The following KIF6 variants were observed in gnomAD, a reference collection of about 807,000 sequenced individuals.
KIF6 encodes the protein kinesin family member 6, also known as kinesin-like protein KIF6.
Under a neutral mutation model 112.7 loss-of-function variants are expected in KIF6, and 106 were observed. That is an observed-to-expected ratio of 0.94 (90% CI 0.80 to 1.11). KIF6 has a LOEUF of 1.11. KIF6 is among the 50% of genes least tolerant of loss of function. The pLI, the probability that KIF6 is intolerant of heterozygous loss-of-function variation, is 0.00. For synonymous variants in KIF6, 339 were observed against 339.9 expected (o/e 1.00, Z 0.03); for missense variants, 929 against 964.0 (o/e 0.96, Z 0.48).
chr6:39,667,988 GGTT>G lies in KIF6; in HGVS notation c.252-28234_252-28232del, dbSNP rs1171156314. Among the ~76,000 whole-genome samples, 3 of 152,110 alleles carry G rather than the reference GGTT, an allele frequency of 2.0e-5. No individual in the cohort carries two copies. In the East Asian group the frequency reaches 5.8e-4, roughly 29 times the overall value. ...CTCGCTTTGAGTTCATGAGAGATCT[GGTT>G]GTTTAAAAGTGGGTGGTACCTTGCC... On this transcript the variant is annotated intron_variant, in intron 3 of 22. Transcript: ENST00000287152.
chr6:39,660,019 T>A (rs1431998691), intron 3 of KIF6, among the ~76,000 whole-genome samples: 1 of 152,148 alleles, frequency 6.6e-6, no homozygotes, highest in Non-Finnish European at 1.5e-5. Context: ...TTCATTAAAA[T>A]CTCCAATCTG....
intron 16 of KIF6, among the ~76,000 whole-genome samples, chr6:39,381,635 G>A (rs1766958083): frequency 6.6e-6 from 1 of 152,186 alleles, no homozygotes; most frequent in South Asian, 2.1e-4. Context: ...ATTCCCATCT[G>A]AAATGCGGCC....
At chr6:39,696,899 A>G (rs772699273) in intron 3 of KIF6, among the ~76,000 whole-genome samples, 3 of 152,016 alleles carry the variant, frequency 2.0e-5, no homozygotes, top group Non-Finnish European at 4.4e-5. Flanking sequence ...ATGTATAGGT[A>G]TCTGTAAACC....
At chr6:39,668,978 A>C (rs1279198225) in intron 3 of KIF6, among the ~76,000 whole-genome samples, 1 of 152,130 alleles carries the variant, frequency 6.6e-6, no homozygotes, top group East Asian at 1.9e-4. Flanking sequence ...TAAAATCCTT[A>C]TTTTAGCTAG....
chr6:39,720,777 G>A lies in KIF6; in HGVS notation c.101C>T (p.Pro34Leu), dbSNP rs1790167655. ...ACGTGGTAAGATGATTTCCAAGCTA[G>A]GTATTAATTTTTCATCTTCATCTAT... ...YSIDEDEKLI[P>L]SLEIILPRDL... The change falls in exon 2 of 23, where the codon CCT becomes CTT. Residue 34 changes from proline to leucine, a missense_variant. By Grantham distance (98) the Pro-to-Leu change is moderately conservative. Coordinates refer to ENST00000287152, the MANE Select transcript of KIF6 (RefSeq NM_145027.6). The A allele has an allele frequency of 1.9e-6, 3 of 1,603,900 alleles. No homozygotes were observed. The highest frequency in any genetic ancestry group is 2.7e-5 in the African/African-American group (2 of 74,776).
chr6:39,602,957 C>T (rs1265297862), intron 6 of KIF6, among the ~76,000 whole-genome samples: 1 of 152,148 alleles, frequency 6.6e-6, no homozygotes, highest in Non-Finnish European at 1.5e-5. Context: ...AACATTTGCG[C>T]ATATAGACAG....
chr6:39,617,060 C>T (rs534396079), intron 5 of KIF6, among the ~76,000 whole-genome samples: 4 of 151,862 alleles, frequency 2.6e-5, no homozygotes, highest in East Asian at 1.9e-4. Context: ...AGATGGAAAC[C>T]CCCAAACTAT....
chr6:39,545,265 G>C (rs148294874), intron 11 of KIF6, among the ~76,000 whole-genome samples: 1 of 152,264 alleles, frequency 6.6e-6, no homozygotes, highest in African/African-American at 2.4e-5. Flanking sequence ...ATATCAAACT[G>C]CTGAAAAAAT....
Position 39,703,085 on chromosome 6 carries a change from C to CG in KIF6, c.251+11606_251+11607insC, listed in dbSNP as rs1395715706. Among the ~76,000 whole-genome samples, 9 of 51,494 alleles carry CG rather than the reference C, an allele frequency of 1.7e-4. 1 individual carries two copies. Among genetic ancestry groups the CG allele is most frequent in the Non-Finnish European group, 4.1e-4 (7 of 17,068 alleles). The allele number at this position is 51,494 out of a possible 152,430, so 33.8% of individuals were successfully genotyped here. The stretch of plus-strand genomic sequence containing the variant: ...AGACAAAATCCACCAACCCCCCACC[C>CG]CCACTCCCGGCCACCAAGACAAAAC... On this transcript the variant is annotated intron_variant, in intron 3 of 22. Transcript: ENST00000287152.
At position 39,584,459 on chromosome 6, in the gene KIF6, A is replaced by AAAAAAAGAC. The variant is rs1561836472; in HGVS notation, c.1077+438_1077+439insGTCTTTTTT. ...AAAAAAAAAAAAAAAAAAAAAAAAA[A>AAAAAAAGAC]AGACTATTATTGTCTCTAGATAGTT... On this transcript the variant is annotated intron_variant, in intron 9 of 22. Coordinates refer to ENST00000287152, the MANE Select transcript of KIF6 (RefSeq NM_145027.6). 3.8e-4 allele frequency among the ~76,000 whole-genome samples: 49 copies of AAAAAAAGAC among 128,576 alleles called. 1 individual carries two copies. The highest frequency in any genetic ancestry group is 8.7e-4 in the South Asian group (3 of 3,450). 84.4% of individuals were successfully genotyped at this position (128,576 alleles called of 152,430 possible).
intron 8 of KIF6, among the ~76,000 whole-genome samples, chr6:39,585,947 G>A (rs576201125): frequency 1.3e-5 from 2 of 152,326 alleles, no homozygotes; most frequent in South Asian, 4.1e-4. Flanking sequence ...AAGAGAAGCG[G>A]ATGGGTCAGC....
intron 5 of KIF6, among the ~76,000 whole-genome samples, chr6:39,631,375 G>A (rs769698133): frequency 3.9e-5 from 6 of 152,052 alleles, no homozygotes; most frequent in Non-Finnish European, 8.8e-5. Context: ...ATCTTAGGAG[G>A]AAAACATTCA....
chr6:39,538,137 C>T (rs1778554342), intron 13 of KIF6, among the ~76,000 whole-genome samples: 1 of 151,986 alleles, frequency 6.6e-6, no homozygotes, highest in Non-Finnish European at 1.5e-5. Context: ...TAGGCATTAC[C>T]ATTCAGGACA....
At chr6:39,636,033 A>G (rs1055675343) in intron 4 of KIF6, among the ~76,000 whole-genome samples, 9 of 151,948 alleles carry the variant, frequency 5.9e-5, no homozygotes, top group South Asian at 2.1e-4. Context: ...TCAAAGGGAG[A>G]GAGGACCAAG....
chr6:39,362,363 G>C, intron 17 of KIF6, 71 bp downstream of exon 17: 1 of 1,161,424 alleles, frequency 8.6e-7, no homozygotes, highest in Non-Finnish European at 1.3e-6. Flanking sequence ...TGCAGCCCTG[G>C]GAAGCTCCAG....
intron 13 of KIF6, among the ~76,000 whole-genome samples, chr6:39,468,273 G>T (rs920821996): frequency 2.0e-5 from 3 of 151,974 alleles, no homozygotes; most frequent in Non-Finnish European, 4.4e-5. Context: ...AGTACAAGAC[G>T]GAGGGGAGAA....
rs183137425 is a variant in KIF6, at chr6:39,482,066, C to G, written c.1646-50905G>C. ...CCCCACTGGGACCCGTGGGAGGCAG[C>G]AATATCAACCACAGATAACTCCAGC... On this transcript the variant is annotated intron_variant, in intron 13 of 22. Coordinates refer to ENST00000287152, the MANE Select transcript of KIF6 (RefSeq NM_145027.6). Among the ~76,000 whole-genome samples the G allele has an allele frequency of 3.3e-5, 5 of 151,474 alleles. No individual in the cohort carries two copies. The East Asian group carries it at 9.7e-4, about 29-fold the overall frequency.
intron 10 of KIF6, chr6:39,554,213 C>T (rs1373377877): frequency 6.5e-6 from 1 of 154,372 alleles, no homozygotes; most frequent in Non-Finnish European, 1.5e-5. Context: ...GCTGCTTGGC[C>T]TATGTGACTC....
intron 5 of KIF6, among the ~76,000 whole-genome samples, chr6:39,625,908 TGTTTGACA>T (rs1784068981): frequency 6.6e-6 from 1 of 152,128 alleles, no homozygotes; most frequent in Non-Finnish European, 1.5e-5. Context: ...AGGAAATTCA[TGTTTGACA>T]GTTTCCATAT....
Sources: gnomAD v4.1 joint callset for allele counts (sites outside exome capture counted in the v4.1 genomes callset) on GRCh38, gnomAD v4.1.1 for gene constraint, MANE v1.5 for transcripts, NCBI Gene and HGNC (gene_info 2026-07-23, HGNC 2026-07-21) for gene names.